Variants in ACRV1 observed in about 807,000 individuals in gnomAD.
The protein encoded by ACRV1 is acrosomal protein SP-10.
Under a neutral mutation model 29.2 loss-of-function variants are expected in ACRV1, and 17 were observed. The observed-to-expected ratio is 0.58, with a 90% CI of 0.40 to 0.87. The LOEUF (loss-of-function observed/expected upper bound fraction) is 0.87, where lower values mean the gene tolerates loss of function less well. ACRV1 is among the 40% of genes least tolerant of loss of function. The pLI, the probability that ACRV1 is intolerant of heterozygous loss-of-function variation, is 0.00. For synonymous variants in ACRV1, 98 were observed against 111.6 expected, an observed-to-expected ratio of 0.88 and a Z score of 0.77; for missense variants, 294 against 316.0, an observed-to-expected ratio of 0.93 and a Z score of 0.53.
intron 3 of ACRV1, among the ~76,000 whole-genome samples, chr11:125,675,050 C>A (rs953527278): frequency 6.6e-6 from 1 of 152,200 alleles, no homozygotes; most frequent in African/African-American, 2.4e-5. Flanking sequence ...GACTGCACAT[C>A]GGAATTGTCT....
At chr11:125,680,242 G>A (rs1414191594) in intron 1 of ACRV1, among the ~76,000 whole-genome samples, 1 of 152,184 alleles carries the variant, frequency 6.6e-6, no homozygotes, top group Non-Finnish European at 1.5e-5. Context: ...AAGAAGAGAT[G>A]ATACAGAAAA....
rs1555078666 is a variant in ACRV1, at chr11:125,678,978, T to TATATATATA, written c.53-682_53-681insTATATATAT. ...GTAAAAAAAAAAAAGTCTAGGCATA[T>TATATATATA]TATATATATATATATATATAGACAC... On this transcript the variant is annotated intron_variant, in intron 1 of 3. Coordinates refer to ENST00000533904, the MANE Select transcript of ACRV1 (RefSeq NM_001612.6). Among the ~76,000 whole-genome samples, 104 of 88,442 alleles carry TATATATATA rather than the reference T, an allele frequency of 1.2e-3. 2 individuals are homozygous for TATATATATA. The highest frequency in any genetic ancestry group is 1.3e-3 in the African/African-American group (31 of 23,072). The allele number at this position is 88,442 out of a possible 152,430, so 58.0% of individuals were successfully genotyped here.
rs1405935526 is a variant in ACRV1 at position 125,676,341 on chromosome 11, C to T, written c.673+18G>A. 6.2e-7 allele frequency: 1 copy of T among 1,613,694 alleles called. No individual in the cohort carries two copies. The highest frequency in any genetic ancestry group is 1.7e-5 in the Admixed American group (1 of 60,026). ...ATGTGTTCTCAGGCAGAAATTGCCT[C>T]ATGAAGTCCCCATATACCTTCAAAG... On this transcript the variant is annotated intron_variant, in intron 3 of 3. Transcript: ENST00000533904.
intron 3 of ACRV1, chr11:125,676,037 A>G: frequency 4.7e-6 from 1 of 212,284 alleles, no homozygotes; most frequent in Non-Finnish European, 9.6e-6. Context: ...CCTTCCAAGT[A>G]GCTGGGATTA....
Position 125,678,216 on chromosome 11 carries a change from G to T in ACRV1, c.134C>A (p.Ser45Ter). The change falls in exon 2 of 4, where the codon TCA (serine) becomes TAA (stop). Residue 45 changes from serine to a stop codon, truncating the protein, a stop_gained. Transcript: ENST00000533904. LOFTEE classifies it high-confidence loss of function. ...CTCAGCATCAGAAGGGTTTTCAAGT[G>T]AAAAGAACTCACCTGGAAGTTGCTG... ...SVQQLPGEFF[S>*]LENPSDAEAL... The T allele has an allele frequency of 1.2e-6, 2 of 1,614,170 alleles. No individual in the cohort carries two copies. Among genetic ancestry groups the T allele is most frequent in the Non-Finnish European group, 1.7e-6 (2 of 1,180,028 alleles).
At chr11:125,680,640 CTG>C (rs1942753553) in intron 1 of ACRV1, 87 bp downstream of exon 1, 9 of 1,230,418 alleles carry the variant, frequency 7.3e-6, no homozygotes, top group Non-Finnish European at 1.1e-5. Context: ...GTTTGGGTGA[CTG>C]AGAGACTGGT....
In ACRV1 at chr11:125,679,567, A is replaced by C. The variant is rs12277592; in HGVS notation, c.52+1162T>G. Among the ~76,000 whole-genome samples, 1,404 of 152,328 alleles carry C rather than the reference A, an allele frequency of 9.2e-3. 22 individuals carry two copies. The highest frequency in any genetic ancestry group is 0.03 in the African/African-American group (1,254 of 41,558). ...GACAAATATTCCTTAAGTATATTTT[A>C]AGTGAACAGAAGCACAAAACAGATA... On this transcript the variant is annotated intron_variant, in intron 1 of 3. Transcript: ENST00000533904.
In ACRV1 at chr11:125,672,307, GA is replaced by G. The variant is rs1942224757; in HGVS notation, c.*285del. 1.8e-4 allele frequency: 49 copies of G among 277,270 alleles called. No individual in the cohort carries two copies. Among genetic ancestry groups the G allele is most frequent in the Admixed American group, 3.0e-4 (6 of 19,808 alleles). 17.2% of individuals were successfully genotyped at this position (277,270 alleles called of 1,614,324 possible). A position where few individuals can be genotyped will look rare whatever the true frequency, so the allele number is the denominator to read the frequency against. On this transcript the variant is annotated 3_prime_UTR_variant, in exon 4 of 4. Transcript: ENST00000533904. The stretch of plus-strand genomic sequence containing the variant: ...TGACCCTGCAACTAGATTAATGGGG[GA>G]AAAAAAGGTCTGTCTTGAGCCTGTG...
At position 125,678,001 on chromosome 11, in the gene ACRV1, C is replaced by T. The variant is rs1942606813; in HGVS notation, c.349G>A (p.Glu117Lys). ...EHTVGEQPSG[E>K]QPSGEHLSGE... ...GAGAGGTGTTCACCTGAAGGCTGTT[C>T]TCCTGAAGGCTGCTCACCTACAGTA... Residue 117 changes from glutamate (E) to lysine (K), a missense_variant, in exon 2 of 4, where the codon GAA (glutamate) becomes AAA (lysine). By Grantham distance (56) the Glu-to-Lys change is moderately conservative (BLOSUM62 1). Transcript: ENST00000533904. 1 of 1,612,890 alleles carries T rather than the reference C, an allele frequency of 6.2e-7. No homozygotes were observed. The highest frequency in any genetic ancestry group is 8.5e-7 in the Non-Finnish European group (1 of 1,179,824).
At position 125,676,466 on chromosome 11, in the gene ACRV1, T is replaced by C. The variant is rs1942515237; in HGVS notation, c.566A>G (p.Asn189Ser). 6 of 1,614,174 alleles carry C rather than the reference T, an allele frequency of 3.7e-6. No individual in the cohort carries two copies. The East Asian group carries it at 1.3e-4, about 36-fold the overall frequency. The change falls in exon 3 of 4, where the codon AAT (asparagine) becomes AGT (serine). Residue 189 changes from asparagine to serine, a missense_variant. By Grantham distance (46) the Asn-to-Ser change is conservative (BLOSUM62 1). Transcript: ENST00000533904. ...ATTCATATAAGCACATGTGTAGCAA[T>C]TTAATATTGTGCCTGAAAATTTAAG... is the stretch of plus-strand genomic sequence containing the variant. ...ISSTSTGTIL[N>S]CYTCAYMNDQ... is the part of the protein sequence containing the mutation.
chr11:125,677,980 G>C lies in ACRV1; in HGVS notation c.370C>G (p.Leu124Val). 1 of 1,612,378 alleles carries C rather than the reference G, an allele frequency of 6.2e-7. No individual in the cohort carries two copies. The highest frequency in any genetic ancestry group is 8.5e-7 in the Non-Finnish European group (1 of 1,178,714). ...PSGEQPSGEH[L>V]SGEQPLSELE... is the part of the protein sequence containing the mutation. ...TCACTCAAAGGCTGTTCTCCGGAGA[G>C]GTGTTCACCTGAAGGCTGTTCTCCT... The change falls in exon 2 of 4, where the codon CTC (leucine) becomes GTC (valine). Residue 124 changes from leucine to valine, a missense_variant. Transcript: ENST00000533904.
Position 125,672,315 on chromosome 11 carries a change from G to A in ACRV1, c.*278C>T. The stretch of plus-strand genomic sequence containing the variant: ...CAACTAGATTAATGGGGGAAAAAAA[G>A]GTCTGTCTTGAGCCTGTGTGCTTTA... On this transcript the variant is annotated 3_prime_UTR_variant, in exon 4 of 4. Transcript: ENST00000533904. 1 of 293,936 alleles carries A rather than the reference G, an allele frequency of 3.4e-6. No individual in the cohort carries two copies. The highest frequency in any genetic ancestry group is 6.3e-6 in the Non-Finnish European group (1 of 159,436). 18.2% of individuals were successfully genotyped at this position (293,936 alleles called of 1,614,324 possible). A position where few individuals can be genotyped will look rare whatever the true frequency, so the allele number is the denominator to read the frequency against.
Position 125,672,715 on chromosome 11 carries a change from C to T in ACRV1, c.676G>A (p.Gly226Arg). The T allele has an allele frequency of 6.2e-7, 1 of 1,614,030 alleles. No individual in the cohort carries two copies. The highest frequency in any genetic ancestry group is 8.5e-7 in the Non-Finnish European group (1 of 1,179,998). ...CCTTGAACCATGAATTGGAGTTTTC[C>T]ACCTGAAAGGAGCAGAGACAGACTA... ...QCMLKKIFEG[G>R]KLQFMVQGCE... is the part of the protein sequence containing the mutation. Residue 226 changes from glycine (G) to arginine (R), a missense_variant and splice_region_variant, in exon 4 of 4, where the codon GGA (glycine) becomes AGA (arginine). Transcript: ENST00000533904.
Position 125,677,805 on chromosome 11 carries a change from G to T in ACRV1, c.545C>A (p.Thr182Lys). The T allele has an allele frequency of 6.2e-7, 1 of 1,614,114 alleles. No homozygotes were observed. Among genetic ancestry groups the T allele is most frequent in the Non-Finnish European group, 8.5e-7 (1 of 1,179,996 alleles). ...ATCCAAACATGGCTCACCTGTAGAT[G>T]TGCTTGAAATTGGTGCACCTGAAGC... ...EQASGAPISS[T>K]STGTILNCYT... The change falls in exon 2 of 4, where the codon ACA becomes AAA. Residue 182 changes from threonine to lysine, a missense_variant. Thr to Lys is a moderately conservative substitution (Grantham distance 78, BLOSUM62 -1). Transcript: ENST00000533904.
At position 125,672,730 on chromosome 11, in the gene ACRV1, G is replaced by A. The variant is rs777528729; in HGVS notation, c.674-13C>T. 4 of 1,613,722 alleles carry A rather than the reference G, an allele frequency of 2.5e-6. No individual in the cohort carries two copies. Among genetic ancestry groups the A allele is most frequent in the Non-Finnish European group, 3.4e-6 (4 of 1,179,948 alleles). On this transcript the variant is annotated splice_polypyrimidine_tract_variant and intron_variant, in intron 3 of 3. Transcript: ENST00000533904. ...TGGAGTTTTCCACCTGAAAGGAGCAGAGACAGACTAGTGAGCAGAAAGCTT... is the reference window on the plus strand; with the variant it reads ...TGGAGTTTTCCACCTGAAAGGAGCAAAGACAGACTAGTGAGCAGAAAGCTT...
In ACRV1 at chr11:125,677,928, T is replaced by C. The variant is rs879184441; in HGVS notation, c.422A>G (p.Asp141Gly). 1 of 1,613,804 alleles carries C rather than the reference T, an allele frequency of 6.2e-7. No homozygotes were observed. Among genetic ancestry groups the C allele is most frequent in the Non-Finnish European group, 8.5e-7 (1 of 1,179,912 alleles). The change falls in exon 2 of 4, where the codon GAT becomes GGT. Residue 141 changes from aspartate (D) to glycine (G), a missense_variant. Asp to Gly is a moderately conservative substitution (Grantham distance 94, BLOSUM62 -1). Coordinates refer to ENST00000533904, the MANE Select transcript of ACRV1 (RefSeq NM_001612.6). ...SELESGEQPSDEQPSGEHGSG... is the reference protein window; with the variant it reads ...SELESGEQPSGEQPSGEHGSG... ...GCCATGTTCACCTGAAGGCTGTTCA[T>C]CTGAAGGCTGTTCACCTGACTCAAG...
intron 1 of ACRV1, among the ~76,000 whole-genome samples, chr11:125,679,532 T>C (rs1372581387): frequency 6.6e-6 from 1 of 152,260 alleles, no homozygotes; most frequent in African/African-American, 2.4e-5. Context: ...CATCTCATCA[T>C]TGACTGTCAG....
At chr11:125,676,238 A>G in intron 3 of ACRV1, 121 bp downstream of exon 3, 1 of 1,303,832 alleles carries the variant, frequency 7.7e-7, no homozygotes, top group Non-Finnish European at 1.1e-6. Context: ...TTGAAAAAAT[A>G]AAGTTCTGAA....
chr11:125,678,978 T>TTATTTATA (rs1555078665), intron 1 of ACRV1, among the ~76,000 whole-genome samples: 7 of 88,434 alleles, frequency 7.9e-5, no homozygotes, highest in Non-Finnish European at 4.5e-5. Flanking sequence ...TCTAGGCATA[T>TTATTTATA]TATATATATA....
Sources: allele counts gnomAD v4.1 joint callset (sites outside exome capture counted in the v4.1 genomes callset), GRCh38; gene constraint gnomAD v4.1.1; transcripts MANE v1.5; gene names NCBI Gene and HGNC (gene_info 2026-07-23, HGNC 2026-07-21).